Variants in ACER3 observed in about 807,000 individuals in gnomAD.
ACER3 encodes alkCDase 3.
ACER3 carries 16 observed loss-of-function variants against 48.9 expected under a neutral mutation model. The observed-to-expected ratio is 0.33, with a 90% confidence interval of 0.22 to 0.50. The LOEUF (loss-of-function observed/expected upper bound fraction) is 0.50. ACER3 is among the 20% of genes least tolerant of loss of function. The pLI, the probability that ACER3 is intolerant of heterozygous loss-of-function variation, is 0.98. For missense variants in ACER3, 227 were observed against 326.0 expected (o/e 0.70, Z 2.34); for synonymous variants, 109 against 107.8 (o/e 1.01, Z -0.07).
chr11:76,975,989 T>G (rs145102093), intron 3 of ACER3, among the ~76,000 whole-genome samples: 77 of 151,074 alleles, frequency 5.1e-4, no homozygotes, highest in African/African-American at 1.8e-3. Flanking sequence ...AAGCGATCCT[T>G]TTGCTTCAGC....
At chr11:76,914,405 A>C (rs901435141) in intron 1 of ACER3, among the ~76,000 whole-genome samples, 1 of 152,238 alleles carries the variant, frequency 6.6e-6, no homozygotes, top group African/African-American at 2.4e-5. Context: ...GACACTTCTC[A>C]AAAGAAGACA....
chr11:76,910,341 G>GA (rs1337201054), intron 1 of ACER3, among the ~76,000 whole-genome samples: 30 of 151,888 alleles, frequency 2.0e-4, no homozygotes, highest in Non-Finnish European at 3.2e-4. Context: ...ACTGCTTTCT[G>GA]AAAAAAGACT....
chr11:76,927,041 C>A lies in ACER3; in HGVS notation c.214+374C>A, dbSNP rs1946848178. ...TGTATTCCTCCCTGATTGTATCCCC[C>A]TCAGCCTCCCAGCCCATCCCCTAAG... is the stretch of plus-strand genomic sequence containing the variant. On this transcript the variant is annotated intron_variant, in intron 2 of 10. Coordinates refer to ENST00000532485, the MANE Select transcript of ACER3 (RefSeq NM_018367.7). Among the ~76,000 whole-genome samples, 4 of 152,268 alleles carry A rather than the reference C, an allele frequency of 2.6e-5. No individual in the cohort carries two copies. The South Asian group carries it at 6.2e-4, about 24-fold the overall frequency.
intron 10 of ACER3, among the ~76,000 whole-genome samples, 177 bp from the exon 11 acceptor site, chr11:77,020,097 T>C (rs1949447486): frequency 6.6e-6 from 1 of 152,168 alleles, no homozygotes; most frequent in Admixed American, 6.5e-5. Flanking sequence ...AAAAATACTC[T>C]CTGATATCTG....
intron 1 of ACER3, among the ~76,000 whole-genome samples, chr11:76,915,977 A>G (rs1946518176): frequency 6.6e-6 from 1 of 152,222 alleles, no homozygotes; most frequent in South Asian, 2.1e-4. Flanking sequence ...GGGGACCCAA[A>G]ACCTAACCAT....
At chr11:77,019,797 C>G (rs782322416) in intron 10 of ACER3, 21 bp downstream of exon 10, 27 of 1,611,020 alleles carry the variant, frequency 1.7e-5, no homozygotes, top group Non-Finnish European at 2.3e-5. Context: ...TTCCTAGGTC[C>G]TGTGTGTGTG....
At chr11:76,880,328 TCA>T (rs1945491125) in intron 1 of ACER3, among the ~76,000 whole-genome samples, 1 of 152,248 alleles carries the variant, frequency 6.6e-6, no homozygotes, top group Non-Finnish European at 1.5e-5. Flanking sequence ...TCCTCTGTGC[TCA>T]CAACACAATC....
intron 1 of ACER3, among the ~76,000 whole-genome samples, chr11:76,903,023 A>G (rs1405533686): frequency 6.6e-6 from 1 of 152,220 alleles, no homozygotes; most frequent in East Asian, 1.9e-4. Context: ...ATTTATGTAT[A>G]TGTTAGTAAA....
Position 76,933,776 on chromosome 11 carries a change from C to G in ACER3, c.214+7109C>G, listed in dbSNP as rs1292671521. ...ACAAAACCACCATTGTCATCATGGC[C>G]CGTTCTCAATGAGCTGTTGGGTACA... is the stretch of plus-strand genomic sequence containing the variant. On this transcript the variant is annotated intron_variant, in intron 2 of 10. Transcript: ENST00000532485. Among the ~76,000 whole-genome samples the G allele has an allele frequency of 2.0e-5, 3 of 152,248 alleles. No individual in the cohort carries two copies. The South Asian group carries it at 6.2e-4, about 31-fold the overall frequency.
In ACER3 at chr11:77,025,751, A is replaced by G. The variant is rs1949542397; in HGVS notation, c.*5424A>G. The stretch of plus-strand genomic sequence containing the variant: ...GTTTAGAGAAAGAAGAATATGCAAC[A>G]GAAACTGTATGTAGCCTGCAAAGCC... On this transcript the variant is annotated 3_prime_UTR_variant, in exon 11 of 11. Transcript: ENST00000532485. The G allele has an allele frequency of 6.6e-6, 1 of 152,200 alleles. No homozygotes were observed. Among genetic ancestry groups the G allele is most frequent in the Non-Finnish European group, 1.5e-5 (1 of 68,034 alleles). The allele number at this position is 152,200 out of a possible 1,614,324, so 9.4% of individuals were successfully genotyped here. A position where few individuals can be genotyped will look rare whatever the true frequency, so the allele number is the denominator to read the frequency against.
chr11:76,933,767 C>T (rs1308219534), intron 2 of ACER3, among the ~76,000 whole-genome samples: 6 of 152,244 alleles, frequency 3.9e-5, no homozygotes, highest in Non-Finnish European at 7.3e-5. Flanking sequence ...CCACCATTGT[C>T]ATCATGGCCC....
intron 7 of ACER3, among the ~76,000 whole-genome samples, chr11:77,012,416 CAAAA>C (rs35917677): frequency 7.5e-4 from 16 of 21,390 alleles, no homozygotes; most frequent in South Asian, 2.6e-3. Flanking sequence ...GACTCCATCT[CAAAA>C]AAAAAAAAAA....
At position 76,946,237 on chromosome 11, in the gene ACER3, G is replaced by A. The variant is rs117412886; in HGVS notation, c.215-12742G>A. 8.3e-3 allele frequency among the ~76,000 whole-genome samples: 1,258 copies of A among 152,252 alleles called. 10 individuals are homozygous for A. Among genetic ancestry groups the A allele is most frequent in the Non-Finnish European group, 0.012 (841 of 68,008 alleles). ...AGATGCAGCCTTATCAGCTCAAACT[G>A]AGCCCAAGGGCAAGGCACAGCCCAG... is the stretch of plus-strand genomic sequence containing the variant. On this transcript the variant is annotated intron_variant, in intron 2 of 10. Coordinates refer to ENST00000532485, the MANE Select transcript of ACER3 (RefSeq NM_018367.7).
intron 1 of ACER3, among the ~76,000 whole-genome samples, chr11:76,894,197 T>G (rs1026996107): frequency 6.6e-6 from 1 of 152,172 alleles, no homozygotes; most frequent in Non-Finnish European, 1.5e-5. Flanking sequence ...GAGGATCACT[T>G]GAGCCCAGGA....
At chr11:76,963,181 A>C (rs925796888) in intron 3 of ACER3, among the ~76,000 whole-genome samples, 1 of 151,324 alleles carries the variant, frequency 6.6e-6, no homozygotes, top group Admixed American at 6.6e-5. Context: ...AGACATGTAC[A>C]CAGTGGGCCC....
chr11:76,868,805 T>C (rs944555816), intron 1 of ACER3, among the ~76,000 whole-genome samples: 3 of 152,176 alleles, frequency 2.0e-5, no homozygotes, highest in Admixed American at 6.5e-5. Flanking sequence ...TCCAGTGAAG[T>C]CTCCATAAAA....
chr11:76,976,366 T>C, intron 4 of ACER3, 25 bp downstream of exon 4: 1 of 1,431,478 alleles, frequency 7.0e-7, no homozygotes, highest in Non-Finnish European at 9.7e-7. Context: ...AATTTCATTG[T>C]TTGATTTATT....
intron 6 of ACER3, 25 bp from the exon 7 acceptor site, chr11:76,998,738 A>G (rs1948966181): frequency 1.3e-6 from 2 of 1,558,806 alleles, no homozygotes; most frequent in Admixed American, 3.7e-5. Flanking sequence ...TGATTGTACT[A>G]ACCTCATTTT....
intron 3 of ACER3, among the ~76,000 whole-genome samples, chr11:76,967,469 T>A (rs1948169510): frequency 1.3e-5 from 2 of 152,222 alleles, no homozygotes. Context: ...GAGGCCAGCA[T>A]CATCCTGTTA....
Sources: allele counts gnomAD v4.1 joint callset (sites outside exome capture counted in the v4.1 genomes callset), GRCh38; gene constraint gnomAD v4.1.1; transcripts MANE v1.5; gene names NCBI Gene and HGNC (gene_info 2026-07-23, HGNC 2026-07-21).